NCAN: variants seen among roughly 807,000 people sequenced by gnomAD.
NCAN encodes neurocan.
A neutral mutation model predicts 121.8 loss-of-function variants in NCAN; 47 were observed. That is an observed-to-expected ratio of 0.39 (90% confidence interval 0.31 to 0.49). The LOEUF (loss-of-function observed/expected upper bound fraction) is 0.49, where lower values mean the gene tolerates loss of function less well. Ranked by LOEUF, NCAN falls within the 20% of genes least tolerant of loss-of-function variation. The pLI is 0.92. For missense variants in NCAN, 1,517 were observed against 1,773.4 expected, an observed-to-expected ratio of 0.86 and a Z score of 2.60; for synonymous variants, 633 against 702.0, an observed-to-expected ratio of 0.90 and a Z score of 1.55.
At chr19:19,232,861 G>C (rs1460063885) in intron 8 of NCAN, 1 of 152,126 alleles carries the variant, frequency 6.6e-6, no homozygotes, top group African/African-American at 2.4e-5. Context: ...AGTAGTGCTC[G>C]CTTCAGCAGC....
At chr19:19,220,020 CTG>C (rs1231050316) in intron 3 of NCAN, among the ~76,000 whole-genome samples, 1 of 151,988 alleles carries the variant, frequency 6.6e-6, no homozygotes, top group Non-Finnish European at 1.5e-5. Flanking sequence ...CCGCGAGACT[CTG>C]TCTCAAAAGA....
In NCAN at chr19:19,219,148, GT is replaced by G; in HGVS notation, c.308del (p.Val103GlyfsTer28). 1 of 1,613,896 alleles carries G rather than the reference GT, an allele frequency of 6.2e-7. No individual in the cohort carries two copies. The highest frequency in any genetic ancestry group is 1.1e-5 in the South Asian group (1 of 91,062). Reference sequence around the variant, plus strand: ...GGTGGCCAAGGACAATGTCGTGAGGGTGGCCAAAAGCTGGCAGGGACGAGTG... The same window carrying G: ...GGTGGCCAAGGACAATGTCGTGAGGGGGCCAAAAGCTGGCAGGGACGAGTG... The part of the protein sequence containing the change: ...ILVAKDNVVR[V>X]AKSWQGRVSL... On this transcript the variant is annotated frameshift_variant, in exon 3 of 15. Coordinates refer to ENST00000252575, the MANE Select transcript of NCAN (RefSeq NM_004386.3). LOFTEE classifies it high-confidence loss of function.
chr19:19,214,339 C>T (rs184694333), intron 1 of NCAN, among the ~76,000 whole-genome samples: 87 of 152,156 alleles, frequency 5.7e-4, no homozygotes, highest in Non-Finnish European at 9.1e-4. Context: ...GGCACGGGCC[C>T]CAGACAGCTG....
At position 19,225,572 on chromosome 19, in the gene NCAN, C is replaced by A. The variant is rs965926598; in HGVS notation, c.1072+302C>A. On this transcript the variant is annotated intron_variant, in intron 6 of 14. Coordinates refer to ENST00000252575, the MANE Select transcript of NCAN (RefSeq NM_004386.3). The surrounding 1 kb of genome is among the most constrained non-coding windows in gnomAD (Gnocchi z 4.0). ...AGGCCCCATAACCTTGAAAGACAAG[C>A]CCCTAGGTGGGGCATACTCTACCTA... Among the ~76,000 whole-genome samples, 11 of 152,330 alleles carry A rather than the reference C, an allele frequency of 7.2e-5. No homozygotes were observed. The highest frequency in any genetic ancestry group is 7.2e-4 in the Admixed American group (11 of 15,306).
At chr19:19,220,450 C>CTTTTTTTTT (rs71170607) in intron 3 of NCAN, among the ~76,000 whole-genome samples, 12 of 72,696 alleles carry the variant, frequency 1.7e-4, no homozygotes, top group African/African-American at 3.0e-4. Flanking sequence ...TTAGGCAATT[C>CTTTTTTTTT]TTTTTTTTTT....
At position 19,238,431 on chromosome 19, in the gene NCAN, G is replaced by T. The variant is rs1237692834; in HGVS notation, c.3409+20G>T. The T allele has an allele frequency of 6.2e-7, 1 of 1,613,896 alleles. No homozygotes were observed. The highest frequency in any genetic ancestry group is 1.7e-5 in the Admixed American group (1 of 60,020). On this transcript the variant is annotated intron_variant, in intron 11 of 14. Transcript: ENST00000252575. The stretch of plus-strand genomic sequence containing the variant: ...TTAATAGTAGGGGCTCTGGGGAGGG[G>T]GCCACCTGCCTGGAGGGTGGGCAGG...
intron 6 of NCAN, 35 bp from the exon 7 acceptor site, chr19:19,226,451 G>C: frequency 6.7e-7 from 1 of 1,502,234 alleles, no homozygotes. Flanking sequence ...GGCAACCCCT[G>C]GGCCTAACAC....
chr19:19,224,018 C>A lies in NCAN; in HGVS notation c.476-3C>A, dbSNP rs2060825953. 6.6e-7 allele frequency: 1 copy of A among 1,514,384 alleles called. No homozygotes were observed. Among genetic ancestry groups the A allele is most frequent in the Non-Finnish European group, 8.9e-7 (1 of 1,125,992 alleles). 93.8% of individuals were successfully genotyped at this position (1,514,384 alleles called of 1,614,324 possible). A position where few individuals can be genotyped will look rare whatever the true frequency, so the allele number is the denominator to read the frequency against. ...TCCCCCCATCCTGGATGTTCCCCCACAGGTGTTGTGTTCCACTACCGATCA... is the reference window on the plus strand; with the variant it reads ...TCCCCCCATCCTGGATGTTCCCCCAAAGGTGTTGTGTTCCACTACCGATCA... On this transcript the variant is annotated splice_polypyrimidine_tract_variant and splice_region_variant and intron_variant, in intron 3 of 14. Coordinates refer to ENST00000252575, the MANE Select transcript of NCAN (RefSeq NM_004386.3).
intron 2 of NCAN, 95 bp from the exon 3 acceptor site, chr19:19,218,820 A>G: frequency 7.8e-7 from 1 of 1,285,610 alleles, no homozygotes; most frequent in Non-Finnish European, 1.0e-6. Flanking sequence ...ATTCTGGCTC[A>G]GCCCTTTTAA....
chr19:19,218,197 G>T (rs2060802894), intron 2 of NCAN, among the ~76,000 whole-genome samples: 1 of 151,914 alleles, frequency 6.6e-6, no homozygotes, highest in Non-Finnish European at 1.5e-5. Context: ...AGAATTGCTT[G>T]AACTTAGGAG....
Position 19,245,354 on chromosome 19 carries a change from C to T in NCAN, c.3534C>T (p.Phe1178=), listed in dbSNP as rs201446067. The change falls in exon 13 of 15, where the codon TTC becomes TTT. Residue 1178 remains phenylalanine (F), a synonymous_variant. Transcript: ENST00000252575. The stretch of plus-strand genomic sequence containing the variant: ...GAGAGAACCAGCCGGACAATTTCTT[C>T]GCGGGTGGCGAGGACTGTGTGGTGA... ...NWRENQPDNF[F]AGGEDCVVMV... is the part of the protein sequence containing the mutation. 2.2e-5 allele frequency: 35 copies of T among 1,614,222 alleles called. No individual in the cohort carries two copies. The highest frequency in any genetic ancestry group is 1.9e-4 in the South Asian group (17 of 91,084).
rs1265356931 is a variant in NCAN at position 19,226,648 on chromosome 19, G to T, written c.1235G>T (p.Gly412Val). ...TTCCAGGAGCCTCTGGTGTCCAGTGGGGAAGAAGAAACCCTGATTTTGGAG... is the reference window on the plus strand; with the variant it reads ...TTCCAGGAGCCTCTGGTGTCCAGTGTGGAAGAAGAAACCCTGATTTTGGAG... ...PDFQEPLVSS[G>V]EEETLILEEK... Residue 412 changes from glycine (G) to valine (V), a missense_variant, in exon 7 of 15, where the codon GGG (glycine) becomes GTG (valine). Physicochemically the swap from Gly to Val is moderately radical, Grantham distance 109. Transcript: ENST00000252575. 1.2e-6 allele frequency: 2 copies of T among 1,613,756 alleles called. No individual in the cohort carries two copies. The highest frequency in any genetic ancestry group is 2.2e-5 in the East Asian group (1 of 44,888).
In NCAN at chr19:19,219,348, C is replaced by T. The variant is rs7250310; in HGVS notation, c.475+32C>T. ...TGGGGGCAAAGGAGGGGCCGGGGGCCGGGGAGAGGGAGGGCTGAGCCTGGA... is the reference window on the plus strand; with the variant it reads ...TGGGGGCAAAGGAGGGGCCGGGGGCTGGGGAGAGGGAGGGCTGAGCCTGGA... On this transcript the variant is annotated intron_variant, in intron 3 of 14. Transcript: ENST00000252575. The T allele has an allele frequency of 9.2e-3, 13,355 of 1,450,984 alleles. 550 individuals are homozygous for T. The African/African-American group carries it at 0.11, about 12-fold the overall frequency. The allele number at this position is 1,450,984 out of a possible 1,614,324, so 89.9% of individuals were successfully genotyped here.
At chr19:19,229,562 A>C (rs1487454328) in intron 8 of NCAN, among the ~76,000 whole-genome samples, 3 of 152,222 alleles carry the variant, frequency 2.0e-5, no homozygotes, top group African/African-American at 7.2e-5. Context: ...ACCGGGGCTC[A>C]GGGAGGTAAA....
intron 12 of NCAN, among the ~76,000 whole-genome samples, chr19:19,243,247 G>A (rs968110534): frequency 2.0e-5 from 3 of 151,976 alleles, no homozygotes; most frequent in Admixed American, 2.0e-4. Context: ...GCTGTGCGGG[G>A]TGGCTCAGGC....
chr19:19,247,225 C>T (rs1051613463), intron 13 of NCAN, among the ~76,000 whole-genome samples: 5 of 151,804 alleles, frequency 3.3e-5, no homozygotes, highest in South Asian at 2.1e-4. Context: ...AGCTGGACTA[C>T]GGGTGCACAC....
At chr19:19,218,092 A>G (rs533942223) in intron 2 of NCAN, among the ~76,000 whole-genome samples, 1 of 151,858 alleles carries the variant, frequency 6.6e-6, no homozygotes, top group Non-Finnish European at 1.5e-5. Flanking sequence ...CAGCCTGGCC[A>G]ACATGGTGAA....
chr19:19,228,351 T>C lies in NCAN; in HGVS notation c.2731T>C (p.Ser911Pro). Residue 911 changes from serine (S) to proline (P), a missense_variant, in exon 8 of 15, where the codon TCA (serine) becomes CCA (proline). By Grantham distance (74) the Ser-to-Pro change is moderately conservative. Transcript: ENST00000252575. ...PEDQVETQGTSGASVPPHQSS... is the reference protein window; with the variant it reads ...PEDQVETQGTPGASVPPHQSS... ...GGATCAGGTGGAGACCCAGGGAACA[T>C]CAGGAGCTTCAGTGCCTCCGCATCA... 1 of 1,613,726 alleles carries C rather than the reference T, an allele frequency of 6.2e-7. No homozygotes were observed. Among genetic ancestry groups the C allele is most frequent in the South Asian group, 1.1e-5 (1 of 91,070 alleles).
intron 11 of NCAN, 59 bp from the exon 12 acceptor site, chr19:19,240,544 T>C (rs13345554): frequency 0.044 from 68,032 of 1,558,052 alleles, 2,471 homozygotes; most frequent in African/African-American, 0.16. Context: ...CTGCAGCCTG[T>C]GCCCTGGGCC....
Sources: allele counts gnomAD v4.1 joint callset (sites outside exome capture counted in the v4.1 genomes callset), GRCh38; gene constraint gnomAD v4.1.1; non-coding constraint Gnocchi (gnomAD v3.1); transcripts MANE v1.5; gene names NCBI Gene and HGNC (gene_info 2026-07-23, HGNC 2026-07-21).